Variants in TOM1L1 observed in about 807,000 individuals in gnomAD.
TOM1L1 encodes target of myb1 like 1 membrane trafficking protein, also known as TOM1-like protein 1.
TOM1L1 carries 64 observed loss-of-function variants against 63.4 expected under a neutral mutation model. The ratio of observed to expected loss-of-function variants is 1.01; its 90% CI spans 0.83 to 1.24. TOM1L1 has a LOEUF of 1.24. TOM1L1 is among the 50% of genes most tolerant of loss of function. The pLI, the probability that TOM1L1 is intolerant of heterozygous loss-of-function variation, is 0.00. For synonymous variants in TOM1L1, 166 were observed against 194.4 expected (o/e 0.85, Z 1.22); for missense variants, 536 against 567.0 (o/e 0.95, Z 0.55).
Position 54,929,067 on chromosome 17 carries a change from A to G in TOM1L1, c.721-1006A>G, listed in dbSNP as rs74463303. On this transcript the variant is annotated intron_variant, in intron 7 of 15. Transcript: ENST00000575882. ...AGCCGATGTGATTGTGCAGTGTTTA[A>G]GGAAGTTCTGTTGCTTTCATTTTGA... Among the ~76,000 whole-genome samples the G allele has an allele frequency of 8.3e-4, 126 of 152,310 alleles. 1 individual carries two copies. In the East Asian group the frequency reaches 0.014, roughly 17 times the overall value.
In TOM1L1 at chr17:54,930,708, C is replaced by T. The variant is rs541983785; in HGVS notation, c.854+502C>T. Among the ~76,000 whole-genome samples, 38 of 151,972 alleles carry T rather than the reference C, an allele frequency of 2.5e-4. 2 individuals are homozygous for T. The South Asian group carries it at 6.2e-3, about 25-fold the overall frequency. On this transcript the variant is annotated intron_variant, in intron 8 of 15. Coordinates refer to ENST00000575882, the MANE Select transcript of TOM1L1 (RefSeq NM_005486.3). ...TACAAAATAATTAGCTGGGCATGGT[C>T]GCGCATGCCTGTAGACCCAACTACT... is the stretch of plus-strand genomic sequence containing the variant.
chr17:54,952,988 T>C (rs934257758), intron 14 of TOM1L1: 2 of 152,252 alleles, frequency 1.3e-5, no homozygotes, highest in African/African-American at 4.8e-5. Context: ...GAATCTTTTA[T>C]TTCCTTTATG....
At chr17:54,921,156 G>A (rs1343353259) in intron 7 of TOM1L1, among the ~76,000 whole-genome samples, 1 of 152,166 alleles carries the variant, frequency 6.6e-6, no homozygotes, top group Non-Finnish European at 1.5e-5. Context: ...GGTGCCTTGT[G>A]AACCATTGTT....
At chr17:54,942,858 C>T (rs1422809008) in intron 11 of TOM1L1, among the ~76,000 whole-genome samples, 1 of 152,178 alleles carries the variant, frequency 6.6e-6, no homozygotes, top group Non-Finnish European at 1.5e-5. Context: ...GACCCTCAAT[C>T]CCCAGCAGCC....
intron 7 of TOM1L1, among the ~76,000 whole-genome samples, chr17:54,920,457 C>T (rs1335909966): frequency 6.6e-6 from 1 of 152,028 alleles, no homozygotes; most frequent in African/African-American, 2.4e-5. Context: ...AAATAAACCC[C>T]AAGGATTACA....
intron 3 of TOM1L1, among the ~76,000 whole-genome samples, chr17:54,907,028 T>C (rs547509807): frequency 2.0e-4 from 31 of 152,278 alleles, no homozygotes; most frequent in Admixed American, 2.0e-3. Context: ...AAGAAGAAAA[T>C]GGACATCTTG....
chr17:54,949,692 C>T (rs2143959459), intron 13 of TOM1L1, 69 bp downstream of exon 13: 1 of 1,274,302 alleles, frequency 7.8e-7, no homozygotes, highest in South Asian at 1.2e-5. Context: ...GCCAGAGATT[C>T]ATTGGTAACT....
chr17:54,955,400 T>C (rs1243597672), intron 14 of TOM1L1, among the ~76,000 whole-genome samples: 1 of 152,180 alleles, frequency 6.6e-6, no homozygotes, highest in Non-Finnish European at 1.5e-5. Context: ...TATCACTGCA[T>C]TCTGGTTCCA....
At chr17:54,944,764 A>T (rs2049090559) in intron 11 of TOM1L1, among the ~76,000 whole-genome samples, 2 of 152,208 alleles carry the variant, frequency 1.3e-5, no homozygotes, top group South Asian at 4.1e-4. Context: ...AAAAATCTAC[A>T]TTCATCGGAG....
chr17:54,938,518 T>C (rs1214000604), intron 10 of TOM1L1: 1 of 147,498 alleles, frequency 6.8e-6, no homozygotes. Flanking sequence ...AAAAAAAAGA[T>C]TATGGACTGG....
At chr17:54,961,183 G>T in intron 15 of TOM1L1, 52 bp from the exon 16 acceptor site, 1 of 1,204,274 alleles carries the variant, frequency 8.3e-7, no homozygotes. Flanking sequence ...TCAAGGAATG[G>T]GGAAAGAGAA....
chr17:54,916,035 G>A, intron 7 of TOM1L1, 173 bp downstream of exon 7: 1 of 498,252 alleles, frequency 2.0e-6, no homozygotes, highest in African/African-American at 2.0e-5. Context: ...TGTCAGAAAT[G>A]CAGTAGTAAC....
At chr17:54,931,649 A>G (rs895164393) in intron 8 of TOM1L1, among the ~76,000 whole-genome samples, 2 of 152,132 alleles carry the variant, frequency 1.3e-5, no homozygotes, top group Admixed American at 6.5e-5. Flanking sequence ...AAAAAATTAC[A>G]AAAATTAGCC....
intron 7 of TOM1L1, chr17:54,916,200 A>T (rs1598013526): frequency 8.3e-6 from 3 of 362,490 alleles, no homozygotes; most frequent in South Asian, 1.7e-4. Context: ...ATAGGAAGGG[A>T]TGTAGAAATG....
intron 8 of TOM1L1, among the ~76,000 whole-genome samples, chr17:54,930,870 T>C (rs1274784192): frequency 6.6e-6 from 1 of 150,850 alleles, no homozygotes; most frequent in African/African-American, 2.5e-5. Context: ...AATAAATAAA[T>C]AAAAAATAAA....
chr17:54,915,762 G>A lies in TOM1L1; in HGVS notation c.620G>A (p.Ser207Asn), dbSNP rs769674017. 1 of 1,609,606 alleles carries A rather than the reference G, an allele frequency of 6.2e-7. No homozygotes were observed. The highest frequency in any genetic ancestry group is 8.5e-7 in the Non-Finnish European group (1 of 1,178,120). ...TCTCTACAGATTGGAAAACTGCACA[G>A]TGAATTGGATATGGTGAAAATGAAT... ...LVPEQIGKLH[S>N]ELDMVKMNVR... Residue 207 changes from serine (S) to asparagine (N), a missense_variant, in exon 7 of 16, where the codon AGT becomes AAT. Transcript: ENST00000575882.
At chr17:54,953,591 A>G (rs2049343822) in intron 14 of TOM1L1, 2 of 152,254 alleles carry the variant, frequency 1.3e-5, no homozygotes, top group Non-Finnish European at 2.9e-5. Context: ...TTCTGCTTCC[A>G]GTAAGCATAT....
intron 14 of TOM1L1, among the ~76,000 whole-genome samples, chr17:54,956,031 G>A (rs1029917270): frequency 6.6e-6 from 1 of 152,190 alleles, no homozygotes; most frequent in Admixed American, 6.5e-5. Flanking sequence ...GAGCCTATAA[G>A]GGAGGTCAAG....
At chr17:54,931,132 C>T (rs918884389) in intron 8 of TOM1L1, among the ~76,000 whole-genome samples, 10 of 135,644 alleles carry the variant, frequency 7.4e-5, no homozygotes, top group African/African-American at 2.3e-4. Flanking sequence ...GCACAGTGAC[C>T]GTATTTCTAA....
Sources: allele counts gnomAD v4.1 joint callset (sites outside exome capture counted in the v4.1 genomes callset), GRCh38; gene constraint gnomAD v4.1.1; transcripts MANE v1.5; gene names NCBI Gene and HGNC (gene_info 2026-07-23, HGNC 2026-07-21).